The following WWOX variants were observed in gnomAD, a reference collection of about 807,000 sequenced individuals.
The protein encoded by WWOX is WW domain-containing oxidoreductase.
A neutral mutation model predicts 46.2 loss-of-function variants in WWOX; 69 were observed. The ratio of observed to expected loss-of-function variants is 1.49; its 90% CI spans 1.23 to 1.82. The LOEUF (loss-of-function observed/expected upper bound fraction) is 1.82. WWOX is among the 40% of genes most tolerant of loss of function. WWOX has a pLI of 0.00. For synonymous variants in WWOX, 359 were observed against 202.6 expected (o/e 1.77, Z -6.56); for missense variants, 919 against 542.6 (o/e 1.69, Z -6.89).
chr16:78,869,662 G>A (rs567349480), intron 8 of WWOX, among the ~76,000 whole-genome samples: 1 of 152,272 alleles, frequency 6.6e-6, no homozygotes, highest in African/African-American at 2.4e-5. Flanking sequence ...TTGTGGACGT[G>A]GGGAGTGGTG....
intron 8 of WWOX, among the ~76,000 whole-genome samples, chr16:78,962,325 TTAAA>T (rs2046286616): frequency 1.3e-5 from 1 of 75,702 alleles, no homozygotes; most frequent in Non-Finnish European, 2.4e-5. Context: ...TTTTTTTTTT[TTAAA>T]AAAAAAAAAA....
At chr16:78,884,018 C>T (rs533851040) in intron 8 of WWOX, among the ~76,000 whole-genome samples, 2 of 152,102 alleles carry the variant, frequency 1.3e-5, no homozygotes, top group East Asian at 1.9e-4. Context: ...GTGGCTCATG[C>T]CTGTAATTCC....
intron 8 of WWOX, chr16:78,534,594 G>C (rs1003733783): frequency 6.6e-6 from 1 of 152,180 alleles, no homozygotes; most frequent in African/African-American, 2.4e-5. Flanking sequence ...GTGAAATATA[G>C]GGAAGATGGC....
chr16:78,452,238 G>C (rs181843162), intron 8 of WWOX, among the ~76,000 whole-genome samples: 1 of 152,112 alleles, frequency 6.6e-6, no homozygotes, highest in Non-Finnish European at 1.5e-5. Context: ...AAGAGATTGC[G>C]TAACACCCTT....
intron 8 of WWOX, among the ~76,000 whole-genome samples, chr16:78,557,689 A>AT (rs34068363): frequency 0.022 from 2,094 of 96,588 alleles, 85 homozygotes; most frequent in Non-Finnish European, 0.028. Context: ...CTAGGGAAGG[A>AT]TTTTTTTTTT....
intron 8 of WWOX, among the ~76,000 whole-genome samples, chr16:79,019,959 T>A (rs1192617934): frequency 6.6e-6 from 1 of 152,178 alleles, no homozygotes; most frequent in African/African-American, 2.4e-5. Context: ...CACACAGCCG[T>A]GATCAGTTAG....
chr16:79,207,966 G>T (rs796235112), intron 8 of WWOX, among the ~76,000 whole-genome samples: 16 of 152,242 alleles, frequency 1.1e-4, no homozygotes, highest in African/African-American at 3.9e-4. Context: ...AGTTTTGGAA[G>T]GATGGATAAT....
intron 8 of WWOX, among the ~76,000 whole-genome samples, chr16:79,117,251 T>C (rs1321051045): frequency 6.6e-5 from 10 of 152,100 alleles, no homozygotes; most frequent in Non-Finnish European, 2.9e-5. Context: ...TGAATCAATC[T>C]GCCCAAATCA....
At chr16:78,363,780 C>G (rs1048844334) in intron 5 of WWOX, among the ~76,000 whole-genome samples, 1 of 152,174 alleles carries the variant, frequency 6.6e-6, no homozygotes, top group African/African-American at 2.4e-5. Context: ...GCTCAAACCC[C>G]TCCAGCTTAC....
intron 4 of WWOX, among the ~76,000 whole-genome samples, chr16:78,130,668 GA>G (rs887632660): frequency 2.6e-5 from 4 of 152,210 alleles, no homozygotes; most frequent in African/African-American, 9.7e-5. Flanking sequence ...AGTCTGCAAT[GA>G]AAACTGTGTG....
chr16:79,149,795 C>T (rs2050243775), intron 8 of WWOX, among the ~76,000 whole-genome samples: 2 of 152,210 alleles, frequency 1.3e-5, no homozygotes, highest in Non-Finnish European at 2.9e-5. Context: ...TGGTATACAT[C>T]ACTCAGTTCT....
intron 6 of WWOX, among the ~76,000 whole-genome samples, chr16:78,418,459 G>A (rs574273421): frequency 3.9e-5 from 6 of 151,940 alleles, no homozygotes; most frequent in African/African-American, 1.4e-4. Context: ...ACACTGTGAA[G>A]CCACTATTAC....
In WWOX at chr16:78,099,786, C is replaced by G; in HGVS notation, c.8C>G (p.Ala3Gly). 6.4e-7 allele frequency: 1 copy of G among 1,555,488 alleles called. No homozygotes were observed. Among genetic ancestry groups the G allele is most frequent in the East Asian group, 2.4e-5 (1 of 41,158 alleles). ...GTGCCTCCACAGTCAGCCATGGCAG[C>G]GCTGCGCTACGCGGGGCTGGACGAC... is the stretch of plus-strand genomic sequence containing the variant. MA[A>G]LRYAGLDDTD... Residue 3 changes from alanine (A) to glycine (G), a missense_variant, in exon 1 of 9, where the codon GCG becomes GGG. Ala to Gly is a moderately conservative substitution (Grantham distance 60). Transcript: ENST00000566780.
At chr16:78,783,936 T>C (rs892109872) in intron 8 of WWOX, among the ~76,000 whole-genome samples, 1 of 151,972 alleles carries the variant, frequency 6.6e-6, no homozygotes, top group Non-Finnish European at 1.5e-5. Context: ...ATGATGGTGA[T>C]GCTGGTGCTG....
intron 8 of WWOX, among the ~76,000 whole-genome samples, chr16:78,483,191 A>G (rs1226343127): frequency 6.6e-6 from 1 of 152,092 alleles, no homozygotes; most frequent in African/African-American, 2.4e-5. Context: ...TGTAAAAGAT[A>G]CTTTTACCTT....
At chr16:78,284,415 G>A (rs559911340) in intron 5 of WWOX, among the ~76,000 whole-genome samples, 1 of 152,172 alleles carries the variant, frequency 6.6e-6, no homozygotes, top group African/African-American at 2.4e-5. Context: ...ACTTTGAAGT[G>A]GCAAGAGTTA....
At chr16:79,138,205 T>G (rs1177437995) in intron 8 of WWOX, among the ~76,000 whole-genome samples, 1 of 152,078 alleles carries the variant, frequency 6.6e-6, no homozygotes, top group Non-Finnish European at 1.5e-5. Flanking sequence ...AGGCCAGAAA[T>G]TGTTTCAGGG....
intron 8 of WWOX, among the ~76,000 whole-genome samples, chr16:79,131,341 CAT>C (rs2049874293): frequency 6.6e-6 from 1 of 152,018 alleles, no homozygotes; most frequent in Non-Finnish European, 1.5e-5. Context: ...TTAGTTTGCA[CAT>C]GAGGACACAA....
chr16:78,400,153 T>A (rs1455273433), intron 6 of WWOX, among the ~76,000 whole-genome samples: 2 of 152,198 alleles, frequency 1.3e-5, no homozygotes, highest in African/African-American at 4.8e-5. Context: ...AAACTCCTGT[T>A]ATAGTTCGGT....
Sources: allele counts gnomAD v4.1 joint callset (sites outside exome capture counted in the v4.1 genomes callset), GRCh38; gene constraint gnomAD v4.1.1; transcripts MANE v1.5; gene names NCBI Gene and HGNC (gene_info 2026-07-23, HGNC 2026-07-21).